GPATCH8: variants seen among roughly 807,000 people sequenced by gnomAD.
The protein encoded by GPATCH8 is G-patch domain containing 8, also known as G patch domain-containing protein 8.
Under a neutral mutation model 118.3 loss-of-function variants are expected in GPATCH8, and 18 were observed. That is an observed-to-expected ratio of 0.15 (90% CI 0.11 to 0.23). The LOEUF is 0.23. GPATCH8 is among the 10% of genes least tolerant of loss of function. The pLI is 1.00. For missense variants in GPATCH8, 1,631 were observed against 1,873.8 expected (o/e 0.87, Z 2.39); for synonymous variants, 659 against 684.7 (o/e 0.96, Z 0.59).
chr17:44,422,074 T>TATC (rs1346438456), intron 6 of GPATCH8, among the ~76,000 whole-genome samples: 1 of 152,200 alleles, frequency 6.6e-6, no homozygotes, highest in Non-Finnish European at 1.5e-5. Flanking sequence ...TCTGTTAATA[T>TATC]ATCACAGATA....
intron 1 of GPATCH8, among the ~76,000 whole-genome samples, chr17:44,482,115 T>C (rs995973913): frequency 1.4e-5 from 2 of 147,962 alleles, no homozygotes; most frequent in Non-Finnish European, 3.0e-5. Context: ...AGTGAGACTC[T>C]TGTCTCAAAA....
chr17:44,469,874 C>CA (rs1460469780), intron 2 of GPATCH8, among the ~76,000 whole-genome samples: 2 of 152,186 alleles, frequency 1.3e-5, no homozygotes, highest in Admixed American at 1.3e-4. Flanking sequence ...GTCAAATCAG[C>CA]AGTCTTATAA....
intron 1 of GPATCH8, among the ~76,000 whole-genome samples, chr17:44,477,039 T>C (rs2144393021): frequency 6.6e-6 from 1 of 152,326 alleles, no homozygotes; most frequent in Non-Finnish European, 1.5e-5. Context: ...TCTTTTGGTC[T>C]AGCCTAAACG....
chr17:44,455,500 C>CAA (rs886066301), intron 3 of GPATCH8, among the ~76,000 whole-genome samples: 2 of 134,800 alleles, frequency 1.5e-5, no homozygotes, highest in African/African-American at 5.5e-5. Context: ...AACTCTATCT[C>CAA]AAAAAAAAAA....
chr17:44,497,582 T>C (rs1254783513), intron 1 of GPATCH8, among the ~76,000 whole-genome samples: 1 of 151,908 alleles, frequency 6.6e-6, no homozygotes, highest in African/African-American at 2.4e-5. Flanking sequence ...AGTGAGACCT[T>C]GTCTCAAAAA....
At chr17:44,436,588 C>T (rs779503239) in intron 3 of GPATCH8, 43 bp from the exon 4 acceptor site, 1 of 931,026 alleles carries the variant, frequency 1.1e-6, no homozygotes, top group South Asian at 1.3e-5. Flanking sequence ...CAAAGCCAAA[C>T]CAACAGCTCA....
At chr17:44,467,266 G>GCTCT (rs2051805424) in intron 2 of GPATCH8, 1 of 320,990 alleles carries the variant, frequency 3.1e-6, no homozygotes, top group Non-Finnish European at 6.5e-6. Context: ...GTCAAGACCA[G>GCTCT]CTGAGAGATT....
At chr17:44,503,267 A>T in intron 1 of GPATCH8, 59 bp downstream of exon 1, 2 of 1,435,616 alleles carry the variant, frequency 1.4e-6, no homozygotes, top group Non-Finnish European at 1.9e-6. Flanking sequence ...GCCGGAGATG[A>T]AGGAGGTTCT....
chr17:44,435,895 G>A (rs971953582), intron 4 of GPATCH8, among the ~76,000 whole-genome samples: 55 of 150,550 alleles, frequency 3.7e-4, no homozygotes, highest in African/African-American at 1.2e-3. Flanking sequence ...GGTGTCATGC[G>A]CCTGTAATCC....
chr17:44,466,371 T>C (rs1263580902), intron 2 of GPATCH8, among the ~76,000 whole-genome samples: 3 of 152,158 alleles, frequency 2.0e-5, no homozygotes, highest in African/African-American at 7.2e-5. Context: ...ACATATTGTT[T>C]CAAATATACA....
chr17:44,450,885 C>G (rs2051088566), intron 3 of GPATCH8, among the ~76,000 whole-genome samples: 1 of 152,102 alleles, frequency 6.6e-6, no homozygotes. Flanking sequence ...TCTTTATTCT[C>G]ACAATCTGAG....
At chr17:44,502,108 C>T (rs1970111742) in intron 1 of GPATCH8, among the ~76,000 whole-genome samples, 1 of 152,298 alleles carries the variant, frequency 6.6e-6, no homozygotes, top group African/African-American at 2.4e-5. Flanking sequence ...CTTACTGCTG[C>T]AAAACTTCTC....
intron 3 of GPATCH8, among the ~76,000 whole-genome samples, chr17:44,442,553 C>T (rs535214270): frequency 6.6e-6 from 1 of 152,312 alleles, no homozygotes; most frequent in East Asian, 1.9e-4. Flanking sequence ...TAAATTCCAG[C>T]TTCCAGGCTC....
At chr17:44,461,987 A>C (rs2051571211) in intron 3 of GPATCH8, among the ~76,000 whole-genome samples, 2 of 152,168 alleles carry the variant, frequency 1.3e-5, no homozygotes, top group Non-Finnish European at 2.9e-5. Context: ...GGCATAAGCC[A>C]CAGCACCCTG....
chr17:44,405,370 G>A (rs1488521689), intron 7 of GPATCH8, among the ~76,000 whole-genome samples: 2 of 151,962 alleles, frequency 1.3e-5, no homozygotes, highest in Admixed American at 6.6e-5. Flanking sequence ...CACCACGCCC[G>A]GCTAATTTTG....
At chr17:44,498,784 C>T (rs749514358) in intron 1 of GPATCH8, among the ~76,000 whole-genome samples, 2 of 152,130 alleles carry the variant, frequency 1.3e-5, no homozygotes, top group Non-Finnish European at 2.9e-5. Context: ...ATAGGAAAAA[C>T]GATTTAAAAC....
intron 1 of GPATCH8, among the ~76,000 whole-genome samples, chr17:44,493,621 C>A (rs1282515193): frequency 6.6e-6 from 1 of 152,222 alleles, no homozygotes; most frequent in East Asian, 1.9e-4. Context: ...GGCTCGATGG[C>A]GTGCACCTGT....
At chr17:44,452,272 C>CAAAAAA (rs1187689963) in intron 3 of GPATCH8, among the ~76,000 whole-genome samples, 1 of 43,526 alleles carries the variant, frequency 2.3e-5, no homozygotes, top group African/African-American at 6.4e-5. Context: ...CACTCCGTCT[C>CAAAAAA]AAAAAAAAAA....
At chr17:44,448,531 GAAGAA>G (rs2050980413) in intron 3 of GPATCH8, among the ~76,000 whole-genome samples, 1 of 91,472 alleles carries the variant, frequency 1.1e-5, no homozygotes, top group African/African-American at 3.7e-5. Flanking sequence ...GGAGGAAGAA[GAAGAA>G]GGAAGAAGAA....
Sources: gnomAD v4.1 joint callset for allele counts (sites outside exome capture counted in the v4.1 genomes callset) on GRCh38, gnomAD v4.1.1 for gene constraint, MANE v1.5 for transcripts, NCBI Gene and HGNC (gene_info 2026-07-23, HGNC 2026-07-21) for gene names.